The following EFCAB11 variants were observed in gnomAD, a reference collection of about 807,000 sequenced individuals.
The protein encoded by EFCAB11 is EF-hand calcium binding domain 11.
In EFCAB11, 14 loss-of-function variants were observed where a neutral mutation model predicts 23.0. The observed-to-expected ratio is 0.61, with a 90% confidence interval of 0.40 to 0.95. The LOEUF is 0.95. Ranked by LOEUF, EFCAB11 falls within the 40% of genes least tolerant of loss-of-function variation. The pLI is 0.00. For missense variants in EFCAB11, 198 were observed against 195.8 expected, an observed-to-expected ratio of 1.01 and a Z score of -0.07; for synonymous variants, 65 against 66.6, an observed-to-expected ratio of 0.98 and a Z score of 0.11.
At chr14:89,873,392 A>G (rs1248523546) in intron 5 of EFCAB11, among the ~76,000 whole-genome samples, 3 of 152,202 alleles carry the variant, frequency 2.0e-5, no homozygotes, top group Admixed American at 6.5e-5. Flanking sequence ...GTGGGGACAC[A>G]GCCAAACCAT....
At chr14:89,849,606 G>GTT (rs55668769) in intron 5 of EFCAB11, among the ~76,000 whole-genome samples, 70,822 of 123,122 alleles carry the variant, frequency 0.58, 23,049 homozygotes, top group Non-Finnish European at 0.72. Flanking sequence ...AAGGAAATCT[G>GTT]TTTTTTTTTT....
At chr14:89,826,238 C>T (rs1254241053) in intron 5 of EFCAB11, among the ~76,000 whole-genome samples, 1 of 151,864 alleles carries the variant, frequency 6.6e-6, no homozygotes, top group Non-Finnish European at 1.5e-5. Context: ...ATGATGATAA[C>T]ATATTTACTA....
chr14:89,845,366 A>G (rs1036772967), intron 5 of EFCAB11, among the ~76,000 whole-genome samples: 4 of 152,210 alleles, frequency 2.6e-5, no homozygotes, highest in African/African-American at 7.2e-5. Context: ...ATTTTCAAGG[A>G]GGTCTTAAAA....
intron 5 of EFCAB11, among the ~76,000 whole-genome samples, chr14:89,912,241 A>C (rs903445836): frequency 6.6e-6 from 1 of 152,252 alleles, no homozygotes; most frequent in African/African-American, 2.4e-5. Context: ...CCACTTAAAA[A>C]AAAAATCCTG....
chr14:89,878,052 G>A (rs1320027545), intron 5 of EFCAB11, among the ~76,000 whole-genome samples: 2 of 152,152 alleles, frequency 1.3e-5, no homozygotes, highest in African/African-American at 2.4e-5. Context: ...GCTACAGAAC[G>A]TTGGTCATTT....
chr14:89,899,896 G>A (rs1211886691), intron 5 of EFCAB11, among the ~76,000 whole-genome samples: 2 of 152,130 alleles, frequency 1.3e-5, no homozygotes, highest in Admixed American at 1.3e-4. Flanking sequence ...AACCACTTGG[G>A]AAACAAGTCA....
At chr14:89,826,331 T>C (rs535868994) in intron 5 of EFCAB11, among the ~76,000 whole-genome samples, 1 of 152,152 alleles carries the variant, frequency 6.6e-6, no homozygotes, top group East Asian at 1.9e-4. Flanking sequence ...GTAACAGTCA[T>C]ACATGCCAAG....
At chr14:89,799,239 A>G (rs1244846120) in intron 5 of EFCAB11, 1 of 152,240 alleles carries the variant, frequency 6.6e-6, no homozygotes, top group Non-Finnish European at 1.5e-5. Flanking sequence ...ATGGCAGGGC[A>G]TCATCATTTT....
At chr14:89,894,253 ATT>A (rs752443292) in intron 5 of EFCAB11, among the ~76,000 whole-genome samples, 2 of 146,004 alleles carry the variant, frequency 1.4e-5, no homozygotes, top group Non-Finnish European at 3.0e-5. Flanking sequence ...CCCAGCCTTG[ATT>A]TTTTTTTTTT....
intron 5 of EFCAB11, among the ~76,000 whole-genome samples, chr14:89,801,239 A>C (rs1885770453): frequency 6.6e-6 from 1 of 152,098 alleles, no homozygotes; most frequent in African/African-American, 2.4e-5. Flanking sequence ...TTTCCTATGT[A>C]CTTCCAAACT....
At chr14:89,890,482 A>C (rs745555387) in intron 5 of EFCAB11, among the ~76,000 whole-genome samples, 4 of 152,230 alleles carry the variant, frequency 2.6e-5, no homozygotes, top group Non-Finnish European at 5.9e-5. Flanking sequence ...TCTAACACTT[A>C]ATAATTCTTA....
intron 5 of EFCAB11, among the ~76,000 whole-genome samples, chr14:89,909,954 C>T (rs1889620973): frequency 6.6e-6 from 1 of 152,164 alleles, no homozygotes; most frequent in African/African-American, 2.4e-5. Flanking sequence ...GGTGCCCCCT[C>T]CCCAGTCTGC....
intron 5 of EFCAB11, among the ~76,000 whole-genome samples, chr14:89,839,948 G>T (rs1034580237): frequency 1.3e-5 from 2 of 152,114 alleles, no homozygotes; most frequent in African/African-American, 4.8e-5. Context: ...TCCAACACTG[G>T]GGATTACAAC....
intron 5 of EFCAB11, chr14:89,836,808 T>A (rs1278330906): frequency 5.1e-6 from 2 of 389,908 alleles, no homozygotes; most frequent in African/African-American, 2.1e-5. Flanking sequence ...CACTTGAGGC[T>A]AGGAGCTCGA....
intron 5 of EFCAB11, among the ~76,000 whole-genome samples, chr14:89,828,853 T>C (rs1886794222): frequency 6.6e-6 from 1 of 152,172 alleles, no homozygotes; most frequent in Admixed American, 6.5e-5. Context: ...GGTATTTACT[T>C]GGAAATATTG....
chr14:89,953,909 GGAGGGC>G lies in EFCAB11; in HGVS notation c.162_167del (p.Lys54_Ser56delinsAsn), dbSNP rs1891303954. 1 of 1,612,830 alleles carries G rather than the reference GGAGGGC, an allele frequency of 6.2e-7. No homozygotes were observed. Among genetic ancestry groups the G allele is most frequent in the East Asian group, 2.2e-5 (1 of 44,868 alleles). On this transcript the variant is annotated inframe_deletion, in exon 2 of 6. Transcript: ENST00000316738. ...CAAATATATAAGAAAGCTCTACCTTGGAGGGCTTGTACCCAAACAGCATTACAACAG... is the reference window on the plus strand; with the variant it reads ...CAAATATATAAGAAAGCTCTACCTTGTTGTACCCAAACAGCATTACAACAG...
chr14:89,870,848 G>A (rs1406845970), intron 5 of EFCAB11, among the ~76,000 whole-genome samples: 1 of 151,986 alleles, frequency 6.6e-6, no homozygotes, highest in Non-Finnish European at 1.5e-5. Flanking sequence ...GCTGAGGCAG[G>A]AGAACCGCTT....
intron 5 of EFCAB11, among the ~76,000 whole-genome samples, chr14:89,822,493 C>T (rs935284206): frequency 2.0e-5 from 3 of 152,164 alleles, no homozygotes; most frequent in Admixed American, 2.0e-4. Context: ...GGTCCTCCCA[C>T]CCCACCCTTG....
At chr14:89,869,917 A>C (rs1053206099) in intron 5 of EFCAB11, among the ~76,000 whole-genome samples, 11 of 152,234 alleles carry the variant, frequency 7.2e-5, no homozygotes, top group African/African-American at 2.7e-4. Context: ...AGCTGTCAGC[A>C]AGGAGCTGCA....
Sources: gnomAD v4.1 joint callset for allele counts (sites outside exome capture counted in the v4.1 genomes callset) on GRCh38, gnomAD v4.1.1 for gene constraint, MANE v1.5 for transcripts, NCBI Gene and HGNC (gene_info 2026-07-23, HGNC 2026-07-21) for gene names.